TENM4: variants seen among roughly 807,000 people sequenced by gnomAD.
The protein encoded by TENM4 is teneurin transmembrane protein 4, also known as teneurin-4.
In TENM4, 82 loss-of-function variants were observed where a neutral mutation model predicts 243.3. The observed-to-expected ratio is 0.34, with a 90% CI of 0.28 to 0.40. The LOEUF (loss-of-function observed/expected upper bound fraction) is 0.40. Ranked by LOEUF, TENM4 falls within the 10% of genes least tolerant of loss-of-function variation. TENM4 has a pLI of 1.00. For missense variants in TENM4, 3,138 were observed against 3,673.3 expected, an observed-to-expected ratio of 0.85 and a Z score of 3.77; for synonymous variants, 1,412 against 1,456.3, an observed-to-expected ratio of 0.97 and a Z score of 0.69.
intron 3 of TENM4, among the ~76,000 whole-genome samples, chr11:79,211,829 A>G (rs1863962006): frequency 6.6e-6 from 1 of 152,232 alleles, no homozygotes; most frequent in Non-Finnish European, 1.5e-5. Flanking sequence ...GTTGAAGAGT[A>G]AAACAGAATG....
intron 4 of TENM4, among the ~76,000 whole-genome samples, chr11:79,105,232 C>G (rs1249350528): frequency 1.3e-5 from 2 of 152,128 alleles, no homozygotes; most frequent in Non-Finnish European, 2.9e-5. Context: ...TTTGGAATTC[C>G]CTTTTCTGTT....
intron 21 of TENM4, among the ~76,000 whole-genome samples, chr11:78,731,043 C>T (rs1855654729): frequency 6.6e-6 from 1 of 152,066 alleles, no homozygotes; most frequent in Admixed American, 6.5e-5. Flanking sequence ...TGGGAAAATC[C>T]AAGAGTTTGT....
chr11:79,164,488 C>T (rs1591326495), intron 3 of TENM4, among the ~76,000 whole-genome samples: 2 of 119,726 alleles, frequency 1.7e-5, no homozygotes, highest in East Asian at 9.5e-4. Flanking sequence ...ATAGTGTATA[C>T]ATATAGTGTA....
chr11:78,781,419 G>C (rs1565376167), intron 16 of TENM4, among the ~76,000 whole-genome samples: 1 of 152,146 alleles, frequency 6.6e-6, no homozygotes, highest in Non-Finnish European at 1.5e-5. Flanking sequence ...TGTGTGAAAA[G>C]CCGGAGATAA....
rs77204801 is a variant in TENM4 at position 78,712,842 on chromosome 11, T to A, written c.3822-128A>T. The A allele has an allele frequency of 1.8e-3, 1,640 of 890,198 alleles. 9 individuals are homozygous for A. The African/African-American group carries it at 0.025, about 13-fold the overall frequency. The allele number at this position is 890,198 out of a possible 1,614,324, so 55.1% of individuals were successfully genotyped here. A position where few individuals can be genotyped will look rare whatever the true frequency, so the allele number is the denominator to read the frequency against. ...TATCTTATGGGGATGATGCCCCTATTTTGGGTGATGGTTCCCCAATTTTTC... is the reference window on the plus strand; with the variant it reads ...TATCTTATGGGGATGATGCCCCTATATTGGGTGATGGTTCCCCAATTTTTC... On this transcript the variant is annotated intron_variant, in intron 25 of 33. Coordinates refer to ENST00000278550, the MANE Select transcript of TENM4 (RefSeq NM_001098816.3).
chr11:79,272,038 A>T (rs1050562764), intron 2 of TENM4, among the ~76,000 whole-genome samples: 1 of 152,160 alleles, frequency 6.6e-6, no homozygotes, highest in African/African-American at 2.4e-5. Context: ...TTTCCAGATG[A>T]CAAAGTCAAA....
At chr11:78,968,761 G>T (rs574426156) in intron 6 of TENM4, among the ~76,000 whole-genome samples, 1 of 152,164 alleles carries the variant, frequency 6.6e-6, no homozygotes, top group East Asian at 1.9e-4. Context: ...AATTGTCTAT[G>T]GTCGTAAGGC....
At chr11:78,779,930 G>C (rs191347691) in intron 16 of TENM4, among the ~76,000 whole-genome samples, 11 of 152,308 alleles carry the variant, frequency 7.2e-5, no homozygotes, top group African/African-American at 2.6e-4. Context: ...TAGCCTCAAA[G>C]ACTAGTGGAT....
At chr11:79,045,274 C>A (rs1217523936) in intron 6 of TENM4, among the ~76,000 whole-genome samples, 4 of 152,104 alleles carry the variant, frequency 2.6e-5, no homozygotes, top group African/African-American at 9.7e-5. Context: ...ACGGTCACAG[C>A]TCCACTGGGC....
rs572836735 is a variant in TENM4 at position 79,386,866 on chromosome 11, A to G, written c.-321+53643T>C. Among the ~76,000 whole-genome samples, 14 of 152,206 alleles carry G rather than the reference A, an allele frequency of 9.2e-5. 1 individual carries two copies. The highest frequency in any genetic ancestry group is 4.1e-4 in the South Asian group (2 of 4,820). On this transcript the variant is annotated intron_variant, in intron 1 of 33. Transcript: ENST00000278550. ...ACAATCACTTTGGAAAATTGGCAGT[A>G]CTTACTAAATCAGAACAGATACATA...
intron 11 of TENM4, among the ~76,000 whole-genome samples, chr11:78,854,800 AAAAT>A (rs746185708): frequency 6.6e-6 from 1 of 152,188 alleles, no homozygotes; most frequent in Non-Finnish European, 1.5e-5. Context: ...TGTGCAAATG[AAAAT>A]TTGATTTATG....
At chr11:78,772,594 G>C (rs1856665423) in intron 17 of TENM4, among the ~76,000 whole-genome samples, 1 of 151,810 alleles carries the variant, frequency 6.6e-6, no homozygotes, top group Non-Finnish European at 1.5e-5. Context: ...CAACAAATGT[G>C]AAAGTGGCTG....
chr11:78,918,945 G>T (rs1856384511), intron 6 of TENM4, among the ~76,000 whole-genome samples: 1 of 152,250 alleles, frequency 6.6e-6, no homozygotes, highest in East Asian at 1.9e-4. Context: ...CAGCTGTGTG[G>T]TCTAGACAAG....
intron 21 of TENM4, among the ~76,000 whole-genome samples, chr11:78,731,952 A>G (rs979408638): frequency 5.9e-5 from 9 of 152,234 alleles, no homozygotes; most frequent in African/African-American, 2.2e-4. Context: ...TCTTGGTAGA[A>G]CCATTTATTT....
intron 1 of TENM4, among the ~76,000 whole-genome samples, chr11:79,353,126 A>T (rs1222782578): frequency 6.6e-6 from 1 of 152,186 alleles, no homozygotes; most frequent in Non-Finnish European, 1.5e-5. Context: ...CTTTTACCTT[A>T]TGGGGCAGGA....
At chr11:78,696,615 C>T (rs80226388) in intron 28 of TENM4, among the ~76,000 whole-genome samples, 10,008 of 152,226 alleles carry the variant, frequency 0.066, 428 homozygotes, top group Middle Eastern at 0.13. Flanking sequence ...GTTTTAAATT[C>T]CCTTAGCAAT....
rs754463752 is a variant in TENM4, at chr11:79,312,689, A to G, written c.-320-15146T>C. Among the ~76,000 whole-genome samples, 7 of 152,322 alleles carry G rather than the reference A, an allele frequency of 4.6e-5. No individual in the cohort carries two copies. The South Asian group carries it at 1.5e-3, about 32-fold the overall frequency. On this transcript the variant is annotated intron_variant, in intron 1 of 33. Transcript: ENST00000278550. ...CTCAGTGCCTAGCAAAGAACCAGGC[A>G]GCTAGCAAGCACTCAATTAGCATGT...
chr11:79,306,392 C>A (rs1299006587), intron 1 of TENM4, among the ~76,000 whole-genome samples: 1 of 152,072 alleles, frequency 6.6e-6, no homozygotes, highest in African/African-American at 2.4e-5. Context: ...GGCCTGGAGA[C>A]TAAGAAGGCC....
At chr11:79,390,599 G>GGCT (rs1555060524) in intron 1 of TENM4, among the ~76,000 whole-genome samples, 1 of 151,684 alleles carries the variant, frequency 6.6e-6, no homozygotes, top group Non-Finnish European at 1.5e-5. Context: ...AGGAAAGAGA[G>GGCT]GCCGATTCAG....
Sources: allele counts gnomAD v4.1 joint callset (sites outside exome capture counted in the v4.1 genomes callset), GRCh38; gene constraint gnomAD v4.1.1; transcripts MANE v1.5; gene names NCBI Gene and HGNC (gene_info 2026-07-23, HGNC 2026-07-21).